The following RXYLT1 variants were observed in gnomAD, a reference collection of about 807,000 sequenced individuals.
RXYLT1 encodes ribitol-5-phosphate xylosyltransferase 1.
In RXYLT1, 41 loss-of-function variants were observed where a neutral mutation model predicts 43.5. The observed-to-expected ratio is 0.94, with a 90% CI of 0.73 to 1.22. RXYLT1 has a LOEUF of 1.22. RXYLT1 is among the 50% of genes most tolerant of loss of function. RXYLT1 has a pLI of 0.00. For synonymous variants in RXYLT1, 166 were observed against 194.4 expected, an observed-to-expected ratio of 0.85 and a Z score of 1.21; for missense variants, 514 against 532.0, an observed-to-expected ratio of 0.97 and a Z score of 0.33.
At chr12:63,780,697 A>G (rs1385256886) in intron 1 of RXYLT1, among the ~76,000 whole-genome samples, 1 of 152,226 alleles carries the variant, frequency 6.6e-6, no homozygotes, top group Non-Finnish European at 1.5e-5. Flanking sequence ...TACAATGGAT[A>G]AAAATAATTG....
chr12:63,799,685 T>G (rs1898116000), intron 3 of RXYLT1, among the ~76,000 whole-genome samples: 1 of 152,144 alleles, frequency 6.6e-6, no homozygotes, highest in African/African-American at 2.4e-5. Context: ...TCCTATCTAG[T>G]GTCAGCTAGC....
At chr12:63,803,139 G>C (rs1419861046) in intron 4 of RXYLT1, among the ~76,000 whole-genome samples, 2 of 116,010 alleles carry the variant, frequency 1.7e-5, no homozygotes. Context: ...TTGTACCACT[G>C]CACTCTAGCC....
intron 1 of RXYLT1, chr12:63,780,371 C>A (rs746828253): frequency 7.0e-6 from 9 of 1,287,292 alleles, no homozygotes; most frequent in African/African-American, 1.6e-5. Flanking sequence ...CAGGCGCGCA[C>A]GCCTTTCAAA....
intron 2 of RXYLT1, among the ~76,000 whole-genome samples, chr12:63,782,090 C>T (rs1436678724): frequency 4.6e-5 from 7 of 152,072 alleles, no homozygotes; most frequent in Non-Finnish European, 1.0e-4. Context: ...CATTTCCAGA[C>T]TTCTCTCTTT....
intron 1 of RXYLT1, 170 bp downstream of exon 1, chr12:63,780,299 G>A: frequency 7.4e-7 from 1 of 1,355,754 alleles, no homozygotes; most frequent in Non-Finnish European, 9.4e-7. Context: ...CGGAATTGGA[G>A]AATGGTCCTC....
intron 3 of RXYLT1, among the ~76,000 whole-genome samples, chr12:63,793,958 G>A (rs977475814): frequency 1.1e-4 from 16 of 152,308 alleles, no homozygotes; most frequent in South Asian, 2.1e-4. Flanking sequence ...GAGAAATGCC[G>A]TTGCTTGAAT....
At chr12:63,804,691 T>C (rs992788033) in intron 4 of RXYLT1, 8 of 152,278 alleles carry the variant, frequency 5.3e-5, no homozygotes, top group African/African-American at 1.7e-4. Context: ...TCTGCTGTTT[T>C]AGCAATTTTG....
At chr12:63,808,627 T>C (rs1898366210) in intron 5 of RXYLT1, 48 bp from the exon 6 acceptor site, 4 of 1,568,926 alleles carry the variant, frequency 2.5e-6, no homozygotes, top group Non-Finnish European at 3.4e-6. Context: ...GTTCACAAAC[T>C]ATATACTTAG....
At chr12:63,791,508 A>T (rs1398266351) in intron 3 of RXYLT1, among the ~76,000 whole-genome samples, 1 of 152,228 alleles carries the variant, frequency 6.6e-6, no homozygotes, top group Non-Finnish European at 1.5e-5. Context: ...TTTCCAGACT[A>T]CTTTTGTAAG....
At chr12:63,780,160 T>C in intron 1 of RXYLT1, 31 bp downstream of exon 1, 4 of 1,432,788 alleles carry the variant, frequency 2.8e-6, no homozygotes, top group Non-Finnish European at 3.6e-6. Flanking sequence ...TCCTTCCGGC[T>C]CTGCGCTCCT....
At chr12:63,795,431 C>CA (rs1898009507) in intron 3 of RXYLT1, 1 of 151,616 alleles carries the variant, frequency 6.6e-6, no homozygotes, top group Non-Finnish European at 1.5e-5. Flanking sequence ...CCTGTCTCTA[C>CA]AAAAAACAGA....
At chr12:63,784,830 C>G (rs919654576) in intron 2 of RXYLT1, 140 bp from the exon 3 acceptor site, 1 of 581,342 alleles carries the variant, frequency 1.7e-6, no homozygotes, top group African/African-American at 1.9e-5. Flanking sequence ...CTTGATAGCA[C>G]TGCCTGCCAA....
chr12:63,803,181 C>CA (rs763579072), intron 4 of RXYLT1, among the ~76,000 whole-genome samples: 6,447 of 22,546 alleles, frequency 0.29, 2,296 homozygotes, highest in East Asian at 0.54. Context: ...ACTGTCTCAC[C>CA]AAAAAAAAAA....
At chr12:63,795,528 CT>C (rs1898012322) in intron 3 of RXYLT1, 1 of 150,042 alleles carries the variant, frequency 6.7e-6, no homozygotes, top group Non-Finnish European at 1.5e-5. Flanking sequence ...TGCAGTGAGC[CT>C]AGATCACACC....
Position 63,784,925 on chromosome 12 carries a change from G to A in RXYLT1, c.326-45G>A, listed in dbSNP as rs1897766503. 2.6e-6 allele frequency: 4 copies of A among 1,523,568 alleles called. No homozygotes were observed. The South Asian group carries it at 3.4e-5, about 13-fold the overall frequency. 94.4% of individuals were successfully genotyped at this position (1,523,568 alleles called of 1,614,324 possible). ...ACTTGTCTCATGCACTAAAGTAGAT[G>A]AGACAGTAAATTGTTTTGATTTTGT... On this transcript the variant is annotated intron_variant, in intron 2 of 5. Coordinates refer to ENST00000261234, the MANE Select transcript of RXYLT1 (RefSeq NM_014254.3).
At chr12:63,805,729 ATGT>A (rs1195154005) in intron 5 of RXYLT1, 1 of 180,468 alleles carries the variant, frequency 5.5e-6, no homozygotes, top group Non-Finnish European at 1.1e-5. Flanking sequence ...CATCACTGAG[ATGT>A]TGTGCAGTGG....
intron 3 of RXYLT1, among the ~76,000 whole-genome samples, chr12:63,800,906 C>A (rs1485797028): frequency 6.6e-6 from 1 of 150,850 alleles, no homozygotes; most frequent in African/African-American, 2.4e-5. Flanking sequence ...GAGCAACAGA[C>A]TGAGACTCTG....
intron 3 of RXYLT1, among the ~76,000 whole-genome samples, chr12:63,798,927 T>C (rs2136229763): frequency 6.6e-6 from 1 of 152,348 alleles, no homozygotes; most frequent in South Asian, 2.1e-4. Flanking sequence ...TTTAAGCTGT[T>C]AGGACATAGA....
At chr12:63,784,841 C>A in intron 2 of RXYLT1, 129 bp from the exon 3 acceptor site, 1 of 638,360 alleles carries the variant, frequency 1.6e-6, no homozygotes, top group Non-Finnish European at 2.6e-6. Context: ...TGCCTGCCAA[C>A]GGCCCAAAGG....
Sources: gnomAD v4.1 joint callset for allele counts (sites outside exome capture counted in the v4.1 genomes callset) on GRCh38, gnomAD v4.1.1 for gene constraint, MANE v1.5 for transcripts, NCBI Gene and HGNC (gene_info 2026-07-23, HGNC 2026-07-21) for gene names.